Variants in IMMP2L observed in about 807,000 individuals in gnomAD.
IMMP2L encodes inner mitochondrial membrane peptidase subunit 2.
In IMMP2L, 18 loss-of-function variants were observed where a neutral mutation model predicts 19.3. That is an observed-to-expected ratio of 0.93 (90% confidence interval 0.64 to 1.38). The LOEUF (loss-of-function observed/expected upper bound fraction) is 1.38, where lower values mean the gene tolerates loss of function less well. Ranked by LOEUF, IMMP2L falls within the 40% of genes most tolerant of loss-of-function variation. IMMP2L has a pLI of 0.00. For missense variants in IMMP2L, 233 were observed against 218.2 expected, an observed-to-expected ratio of 1.07 and a Z score of -0.43; for synonymous variants, 76 against 73.0, an observed-to-expected ratio of 1.04 and a Z score of -0.21.
At chr7:111,128,757 G>A (rs1264438056) in intron 3 of IMMP2L, among the ~76,000 whole-genome samples, 5 of 152,224 alleles carry the variant, frequency 3.3e-5, no homozygotes, top group East Asian at 1.9e-4. Context: ...TCTGGGAGGC[G>A]GAGGTTGCAG....
chr7:110,960,186 G>A (rs538937938), intron 4 of IMMP2L, among the ~76,000 whole-genome samples: 1 of 151,964 alleles, frequency 6.6e-6, no homozygotes, highest in Non-Finnish European at 1.5e-5. Context: ...TTTAAAAATA[G>A]CTTTATTAAG....
intron 3 of IMMP2L, among the ~76,000 whole-genome samples, chr7:110,968,635 T>A (rs1450888224): frequency 6.6e-6 from 1 of 152,106 alleles, no homozygotes. Flanking sequence ...TTGACGCCAA[T>A]GCACTCCAGC....
At position 110,870,976 on chromosome 7, in the gene IMMP2L, A is replaced by C. The variant is rs1450009190; in HGVS notation, c.408+15617T>G. 6.6e-6 allele frequency among the ~76,000 whole-genome samples: 1 copy of C among 152,086 alleles called. No individual in the cohort carries two copies. Among genetic ancestry groups the C allele is most frequent in the South Asian group, 2.1e-4 (1 of 4,822 alleles). The stretch of plus-strand genomic sequence containing the variant: ...AGGGGAAGCATGCAGCCCAGTTAGG[A>C]GGCCCCTGATGACCTGAATCAGTGA... On this transcript the variant is annotated intron_variant, in intron 5 of 5. Transcript: ENST00000405709. The surrounding 1 kb of genome is among the most constrained non-coding windows in gnomAD (Gnocchi z 4.2).
chr7:111,054,757 A>G (rs530222413), intron 3 of IMMP2L, among the ~76,000 whole-genome samples: 2 of 152,194 alleles, frequency 1.3e-5, no homozygotes, highest in Non-Finnish European at 2.9e-5. Context: ...TTGCTCTAAA[A>G]TCAATCTCAG....
chr7:110,705,153 G>C (rs536295752), intron 5 of IMMP2L, among the ~76,000 whole-genome samples: 1 of 152,158 alleles, frequency 6.6e-6, no homozygotes, highest in South Asian at 2.1e-4. Flanking sequence ...TAAGAAGAGA[G>C]TTTAAAATGA....
rs181850180 is a variant in IMMP2L at position 111,369,943 on chromosome 7, A to C, written c.239+117295T>G. 3.8e-4 allele frequency among the ~76,000 whole-genome samples: 58 copies of C among 152,098 alleles called. No homozygotes were observed. The East Asian group carries it at 0.011, about 28-fold the overall frequency. On this transcript the variant is annotated intron_variant, in intron 3 of 5. Coordinates refer to ENST00000405709, the MANE Select transcript of IMMP2L (RefSeq NM_032549.4). ...ACCGCCATGAAATCAACTCAATATA[A>C]TGTGATCCATGCTAGAAAACAATGG...
chr7:111,056,286 G>A (rs1340252053), intron 3 of IMMP2L, among the ~76,000 whole-genome samples: 3 of 152,136 alleles, frequency 2.0e-5, no homozygotes, highest in African/African-American at 4.8e-5. Context: ...CAACCATATA[G>A]CAGAACATGG....
intron 3 of IMMP2L, among the ~76,000 whole-genome samples, chr7:111,242,380 T>C (rs1358569053): frequency 4.6e-5 from 7 of 152,144 alleles, no homozygotes; most frequent in Non-Finnish European, 7.4e-5. Flanking sequence ...TGCAGTCATT[T>C]TGATTCAACT....
At chr7:111,072,241 G>C (rs542495768) in intron 3 of IMMP2L, among the ~76,000 whole-genome samples, 2 of 152,194 alleles carry the variant, frequency 1.3e-5, no homozygotes, top group Non-Finnish European at 2.9e-5. Flanking sequence ...AATAGTACTT[G>C]ATTCAGGCAA....
intron 3 of IMMP2L, among the ~76,000 whole-genome samples, chr7:111,082,159 GCA>G (rs2129576546): frequency 6.6e-6 from 1 of 152,292 alleles, no homozygotes; most frequent in Admixed American, 6.5e-5. Context: ...CACAGGGATA[GCA>G]CTACACCATT....
Position 110,741,586 on chromosome 7 carries a change from T to C in IMMP2L, c.409-77865A>G, listed in dbSNP as rs1796993375. ...TCAGACACTGAATCTGTTGGTGCCA[T>C]GATCTTGGACTTGCCAGACTTAGAA... On this transcript the variant is annotated intron_variant, in intron 5 of 5. Transcript: ENST00000405709. 1.3e-5 allele frequency among the ~76,000 whole-genome samples: 2 copies of C among 152,246 alleles called. 1 individual carries two copies. Among genetic ancestry groups the C allele is most frequent in the South Asian group, 4.1e-4 (2 of 4,836 alleles).
At chr7:110,686,708 C>T (rs1365617644) in intron 5 of IMMP2L, among the ~76,000 whole-genome samples, 2 of 152,038 alleles carry the variant, frequency 1.3e-5, no homozygotes, top group African/African-American at 4.8e-5. Flanking sequence ...TGCTTGAATC[C>T]ATCTGCTCCT....
chr7:111,542,559 C>T (rs1383165000), intron 1 of IMMP2L, among the ~76,000 whole-genome samples: 3 of 152,140 alleles, frequency 2.0e-5, no homozygotes, highest in African/African-American at 7.2e-5. Context: ...CTATGCTACA[C>T]TGCCTCCAGT....
rs905974879 is a variant in IMMP2L, at chr7:110,776,558, G to A, written c.408+110035C>T. ...AGTGAAGTTTTCCTTAAAGCTAATTGTTGGAGTAGCTTTTCCTTAAAGCTA... is the reference window on the plus strand; with the variant it reads ...AGTGAAGTTTTCCTTAAAGCTAATTATTGGAGTAGCTTTTCCTTAAAGCTA... On this transcript the variant is annotated intron_variant, in intron 5 of 5. Coordinates refer to ENST00000405709, the MANE Select transcript of IMMP2L (RefSeq NM_032549.4). Among the ~76,000 whole-genome samples the A allele has an allele frequency of 2.0e-5, 3 of 152,134 alleles. No individual in the cohort carries two copies. The South Asian group carries it at 6.2e-4, about 32-fold the overall frequency.
chr7:111,521,775 C>T (rs903770433), intron 1 of IMMP2L, among the ~76,000 whole-genome samples: 1 of 152,068 alleles, frequency 6.6e-6, no homozygotes, highest in Non-Finnish European at 1.5e-5. Context: ...TGAAGTTACT[C>T]CTTATACCCC....
chr7:110,778,806 G>C (rs1380375073), intron 5 of IMMP2L, among the ~76,000 whole-genome samples: 1 of 151,978 alleles, frequency 6.6e-6, no homozygotes, highest in East Asian at 1.9e-4. Flanking sequence ...TCAGCTATAA[G>C]TGGTGTGTTG....
chr7:110,874,909 A>T (rs1164166013), intron 5 of IMMP2L, among the ~76,000 whole-genome samples: 1 of 152,006 alleles, frequency 6.6e-6, no homozygotes, highest in African/African-American at 2.4e-5. Context: ...TCTAGAGGAG[A>T]ATACTTTTTC....
intron 5 of IMMP2L, among the ~76,000 whole-genome samples, chr7:110,833,178 C>G (rs1466281352): frequency 1.3e-5 from 2 of 152,104 alleles, no homozygotes; most frequent in Non-Finnish European, 2.9e-5. Flanking sequence ...GTGGCTCATG[C>G]CTGTAATCCC....
At chr7:111,186,225 C>T (rs931071371) in intron 3 of IMMP2L, among the ~76,000 whole-genome samples, 1 of 131,288 alleles carries the variant, frequency 7.6e-6, no homozygotes, top group African/African-American at 2.7e-5. Flanking sequence ...TGTAATTAAC[C>T]TTTTCTAAAG....
Sources: allele counts gnomAD v4.1 joint callset (sites outside exome capture counted in the v4.1 genomes callset), GRCh38; gene constraint gnomAD v4.1.1; non-coding constraint Gnocchi (gnomAD v3.1); transcripts MANE v1.5; gene names NCBI Gene and HGNC (gene_info 2026-07-23, HGNC 2026-07-21).